The following RSPH3 variants were observed in gnomAD, a reference collection of about 807,000 sequenced individuals.
RSPH3 encodes radial spoke head protein 3 homolog.
RSPH3 carries 21 observed loss-of-function variants against 43.8 expected under a neutral mutation model. The observed-to-expected ratio is 0.48, with a 90% confidence interval of 0.34 to 0.69. The LOEUF is 0.69. Ranked by LOEUF, RSPH3 falls within the 30% of genes least tolerant of loss-of-function variation. RSPH3 has a pLI of 0.01. For synonymous variants in RSPH3, 173 were observed against 179.8 expected, an observed-to-expected ratio of 0.96 and a Z score of 0.30; for missense variants, 487 against 516.0, an observed-to-expected ratio of 0.94 and a Z score of 0.54.
intron 2 of RSPH3, among the ~76,000 whole-genome samples, chr6:158,987,472 T>C (rs376676101): frequency 6.6e-6 from 1 of 152,178 alleles, no homozygotes; most frequent in Admixed American, 6.5e-5. Context: ...AGTGTTATTA[T>C]TGATAAAGCA....
intron 3 of RSPH3, among the ~76,000 whole-genome samples, chr6:158,984,558 T>C (rs1397528577): frequency 6.7e-6 from 1 of 149,382 alleles, no homozygotes; most frequent in Non-Finnish European, 1.5e-5. Flanking sequence ...ACCAGGTTAT[T>C]TGATATTCCC....
chr6:158,970,083 C>T (rs10945585), downstream of RSPH3, among the ~76,000 whole-genome samples: 19,276 of 149,666 alleles, frequency 0.13, 1,915 homozygotes, highest in East Asian at 0.41. Flanking sequence ...GTACTTTTTT[C>T]TTTTTTTTTG....
chr6:158,964,019 T>G, the RSPH3 span, among the ~76,000 whole-genome samples: 1 of 152,210 alleles, frequency 6.6e-6, no homozygotes, highest in Non-Finnish European at 1.5e-5. Context: ...AAAATAACTT[T>G]TCCTAGTTAT....
At chr6:158,998,505 T>G (rs922070784) in intron 1 of RSPH3, among the ~76,000 whole-genome samples, 5 of 150,434 alleles carry the variant, frequency 3.3e-5, no homozygotes, top group African/African-American at 1.2e-4. Context: ...GCTTATGTTT[T>G]GTTTTTTTTC....
intron 3 of RSPH3, among the ~76,000 whole-genome samples, chr6:158,984,874 T>C (rs902453193): frequency 6.6e-6 from 1 of 152,164 alleles, no homozygotes; most frequent in Non-Finnish European, 1.5e-5. Context: ...AATATTCTGA[T>C]GGTGTAAAGA....
At chr6:158,994,333 C>G (rs746805433) in intron 1 of RSPH3, among the ~76,000 whole-genome samples, 5 of 152,088 alleles carry the variant, frequency 3.3e-5, no homozygotes, top group African/African-American at 4.8e-5. Context: ...AAGCTTGATT[C>G]AAAGATTGAA....
Position 158,999,444 on chromosome 6 carries a change from A to G in RSPH3, c.107T>C (p.Leu36Pro). ...PCQRSRYRDSLTQPDEEPMHY... is the reference protein window; with the variant it reads ...PCQRSRYRDSPTQPDEEPMHY... ...TGGCTTGGTCACTCACGGCTGCGTCAGGCTGTCCCGGTAACGGCTGCGCTG... is the reference window on the plus strand; with the variant it reads ...TGGCTTGGTCACTCACGGCTGCGTCGGGCTGTCCCGGTAACGGCTGCGCTG... Residue 36 changes from leucine to proline, a missense_variant, in exon 1 of 8, where the codon CTG becomes CCG. Transcript: ENST00000367069. 6.6e-7 allele frequency: 1 copy of G among 1,507,072 alleles called. No individual in the cohort carries two copies. The allele number at this position is 1,507,072 out of a possible 1,614,324, so 93.4% of individuals were successfully genotyped here.
the RSPH3 span, among the ~76,000 whole-genome samples, chr6:158,963,443 C>T: frequency 3.2e-4 from 26 of 81,656 alleles, 1 homozygote; most frequent in Non-Finnish European, 5.5e-4. Flanking sequence ...CCCCCTTCTT[C>T]CCCCTTCCCT....
chr6:158,972,762 C>A (rs1301279411), downstream of RSPH3: 2 of 152,166 alleles, frequency 1.3e-5, no homozygotes, highest in African/African-American at 4.8e-5. Context: ...GCTAAAATTT[C>A]AAACTCTTTA....
chr6:158,978,187 CTT>C lies in RSPH3; in HGVS notation c.946+71_946+72del. On this transcript the variant is annotated intron_variant, in intron 7 of 7. Transcript: ENST00000367069. ...TAAATATTCAAACTGTAAAATTAAT[CTT>C]TCTTTCAGTTATTCAATTTATTCTT... 7 of 816,106 alleles carry C rather than the reference CTT, an allele frequency of 8.6e-6. 1 individual carries two copies. Among genetic ancestry groups the C allele is most frequent in the Non-Finnish European group, 1.2e-5 (6 of 497,058 alleles). 50.6% of individuals were successfully genotyped at this position (816,106 alleles called of 1,614,324 possible).
intron 1 of RSPH3, among the ~76,000 whole-genome samples, chr6:158,997,046 T>G (rs947103753): frequency 6.6e-6 from 1 of 152,146 alleles, no homozygotes; most frequent in Non-Finnish European, 1.5e-5. Flanking sequence ...TACTTCCTCC[T>G]GTTTGGCCAC....
downstream of RSPH3, among the ~76,000 whole-genome samples, chr6:158,968,836 C>T (rs552279256): frequency 8.6e-4 from 130 of 151,844 alleles, no homozygotes; most frequent in African/African-American, 2.7e-3. Flanking sequence ...CTTAGCCTCC[C>T]GAGTAGCTGG....
Position 159,000,094 on chromosome 6 carries a change from C to G in RSPH3, c.-544G>C. On this transcript the variant is annotated 5_prime_UTR_variant, in exon 1 of 8. Coordinates refer to ENST00000367069, the MANE Select transcript of RSPH3 (RefSeq NM_031924.8). ...ACGTGCTCCTGCTCTTCCAGGGTGTCCTCGGCTGTTTCTCCTGCCGCGGCG... is the reference window on the plus strand; with the variant it reads ...ACGTGCTCCTGCTCTTCCAGGGTGTGCTCGGCTGTTTCTCCTGCCGCGGCG... The G allele has an allele frequency of 9.0e-7, 1 of 1,108,738 alleles. No homozygotes were observed. The allele number at this position is 1,108,738 out of a possible 1,614,324, so 68.7% of individuals were successfully genotyped here. A position where few individuals can be genotyped will look rare whatever the true frequency, so the allele number is the denominator to read the frequency against.
intron 1 of RSPH3, among the ~76,000 whole-genome samples, chr6:158,997,765 C>T (rs1159690621): frequency 6.6e-6 from 1 of 152,122 alleles, no homozygotes; most frequent in Non-Finnish European, 1.5e-5. Flanking sequence ...TTAAAGGCAC[C>T]AGAAAGTGTT....
In RSPH3 at chr6:158,977,220, A is replaced by T. The variant is rs147704972; in HGVS notation, c.*318T>A. 521 of 271,712 alleles carry T rather than the reference A, an allele frequency of 1.9e-3. 2 individuals carry two copies. The highest frequency in any genetic ancestry group is 0.011 in the African/African-American group (483 of 45,140). The allele number at this position is 271,712 out of a possible 1,614,324, so 16.8% of individuals were successfully genotyped here. On this transcript the variant is annotated 3_prime_UTR_variant, in exon 8 of 8. Coordinates refer to ENST00000367069, the MANE Select transcript of RSPH3 (RefSeq NM_031924.8). ...TTAAATATCATACTTACTAAAAAAAACTAACCCGCAAAATTAGAAGGGCTA... is the reference window on the plus strand; with the variant it reads ...TTAAATATCATACTTACTAAAAAAATCTAACCCGCAAAATTAGAAGGGCTA...
rs774264817 is a variant in RSPH3 at position 158,999,524 on chromosome 6, G to C, written c.27C>G (p.Thr9=). Residue 9 remains threonine (T), a synonymous_variant, in exon 1 of 8, where the codon ACC becomes ACG. Coordinates refer to ENST00000367069, the MANE Select transcript of RSPH3 (RefSeq NM_031924.8). Reference sequence around the variant, plus strand: ...AGGTGTAGGTGCTCGGGGCCCGAGAGGTGCGATCAGTCAGCGCTGAGGCCA... The same window carrying C: ...AGGTGTAGGTGCTCGGGGCCCGAGACGTGCGATCAGTCAGCGCTGAGGCCA... MASALTDR[T]SRAPSTYTYT... 4 of 1,558,722 alleles carry C rather than the reference G, an allele frequency of 2.6e-6. No individual in the cohort carries two copies. The African/African-American group carries it at 5.4e-5, about 21-fold the overall frequency.
intron 2 of RSPH3, chr6:158,990,628 CT>C (rs1481110502): frequency 6.6e-6 from 1 of 151,346 alleles, no homozygotes; most frequent in Non-Finnish European, 1.5e-5. Flanking sequence ...CGTGTAATTT[CT>C]TTCTGGCTAA....
chr6:158,983,712 TAA>T lies in RSPH3; in HGVS notation c.440_441del (p.Phe147TyrfsTer20), dbSNP rs1175003185. On this transcript the variant is annotated frameshift_variant, in exon 4 of 8. Coordinates refer to ENST00000367069, the MANE Select transcript of RSPH3 (RefSeq NM_031924.8). LOFTEE classifies it high-confidence loss of function. ...ACATCTTTGCCAGTTTTGGCAGGAATAAAGAGTGGTGTTGGTGGTCTGTCCAA... is the reference window on the plus strand; with the variant it reads ...ACATCTTTGCCAGTTTTGGCAGGAATAGAGTGGTGTTGGTGGTCTGTCCAA... ...AFLDRPPTPLFIPAKTGKDVA... is the reference protein window; with the variant it reads ...AFLDRPPTPLXIPAKTGKDVA... The T allele has an allele frequency of 1.2e-6, 2 of 1,613,598 alleles. No individual in the cohort carries two copies. Among genetic ancestry groups the T allele is most frequent in the South Asian group, 1.1e-5 (1 of 91,074 alleles).
At chr6:158,965,634 G>A in the RSPH3 span, among the ~76,000 whole-genome samples, 10 of 151,968 alleles carry the variant, frequency 6.6e-5, no homozygotes, top group African/African-American at 2.4e-4. Context: ...TATTGATTTT[G>A]TGGTCTGCAA....
Sources: gnomAD v4.1 joint callset for allele counts (sites outside exome capture counted in the v4.1 genomes callset) on GRCh38, gnomAD v4.1.1 for gene constraint, MANE v1.5 for transcripts, NCBI Gene and HGNC (gene_info 2026-07-23, HGNC 2026-07-21) for gene names.